The following CAND1 variants were observed in gnomAD, a reference collection of about 807,000 sequenced individuals.
The protein encoded by CAND1 is cullin associated and neddylation dissociated 1.
A neutral mutation model predicts 108.5 loss-of-function variants in CAND1; 7 were observed. The ratio of observed to expected loss-of-function variants is 0.06; its 90% confidence interval spans 0.04 to 0.12. CAND1 has a LOEUF of 0.12. Among genes scored for constraint, CAND1 ranks in the 10% least tolerant of loss-of-function variants. CAND1 has a pLI of 1.00. For synonymous variants in CAND1, 534 were observed against 512.0 expected (o/e 1.04, Z -0.58); for missense variants, 941 against 1,448.7 (o/e 0.65, Z 5.69).
intron 11 of CAND1, 53 bp downstream of exon 11, chr12:67,307,545 G>C (rs1258811249): frequency 1.8e-6 from 2 of 1,120,242 alleles, no homozygotes; most frequent in Non-Finnish European, 2.7e-6. Context: ...GAATTCTCAA[G>C]AAACTCTTGA....
chr12:67,301,111 G>T (rs1005531341), intron 7 of CAND1, among the ~76,000 whole-genome samples: 2 of 152,040 alleles, frequency 1.3e-5, no homozygotes, highest in African/African-American at 4.8e-5. Flanking sequence ...AAAATTTTAT[G>T]TGCTCTTAAC....
chr12:67,314,345 A>G lies in CAND1; in HGVS notation c.*1515A>G, dbSNP rs2044986278. ...ATAACATACTGTGGTTATTAGATTA[A>G]CAGCTTGATTTTGAATGTTCAGATG... is the stretch of plus-strand genomic sequence containing the variant. On this transcript the variant is annotated 3_prime_UTR_variant, in exon 15 of 15. Transcript: ENST00000545606. The G allele has an allele frequency of 6.6e-6, 1 of 152,332 alleles. No individual in the cohort carries two copies. Among genetic ancestry groups the G allele is most frequent in the Non-Finnish European group, 1.5e-5 (1 of 68,024 alleles). The allele number at this position is 152,332 out of a possible 1,614,324, so 9.4% of individuals were successfully genotyped here. A position where few individuals can be genotyped will look rare whatever the true frequency, so the allele number is the denominator to read the frequency against.
At chr12:67,276,476 G>A (rs532446158) in intron 1 of CAND1, among the ~76,000 whole-genome samples, 1 of 152,238 alleles carries the variant, frequency 6.6e-6, no homozygotes, top group African/African-American at 2.4e-5. Flanking sequence ...GGGTAATTTG[G>A]GAAAGAGTCT....
chr12:67,282,755 A>C (rs1354025239), intron 2 of CAND1, among the ~76,000 whole-genome samples: 1 of 152,228 alleles, frequency 6.6e-6, no homozygotes, highest in Non-Finnish European at 1.5e-5. Flanking sequence ...AGTTAACTCA[A>C]AACAACACTG....
chr12:67,305,322 C>G lies in CAND1; in HGVS notation c.1654C>G (p.Pro552Ala). 6.2e-7 allele frequency: 1 copy of G among 1,614,102 alleles called. No homozygotes were observed. The highest frequency in any genetic ancestry group is 8.5e-7 in the Non-Finnish European group (1 of 1,179,992). ...TCAACAGCTTGTCAAAGTAATTCGT[C>G]CTTTAGATCAGCCTTCCTCGTTTGA... is the stretch of plus-strand genomic sequence containing the variant. ...VTQQLVKVIR[P>A]LDQPSSFDAT... Residue 552 changes from proline (P) to alanine (A), a missense_variant, in exon 10 of 15, where the codon CCT (proline) becomes GCT (alanine). Transcript: ENST00000545606. This position sits in a 1 kb window ranked among gnomAD's most constrained non-coding sequence, Gnocchi z 4.4.
rs1476254248 is a variant in CAND1 at position 67,311,781 on chromosome 12, G to A, written c.3449G>A (p.Arg1150His). The change falls in exon 14 of 15, where the codon CGT becomes CAT. Residue 1150 changes from arginine to histidine, a missense_variant. By Grantham distance (29) the Arg-to-His change is conservative. This residue lies in a region of CAND1 where 22 missense variants were observed against 24.4 expected (regional missense o/e 0.90). Coordinates refer to ENST00000545606, the MANE Select transcript of CAND1 (RefSeq NM_018448.5). ...QRLDRLVEPL[R>H]ATCTTKVKAN... is the part of the protein sequence containing the mutation. ...TTGGACCGACTTGTTGAGCCATTAC[G>A]TGCAACATGTACAACTAAGGTAAGA... is the stretch of plus-strand genomic sequence containing the variant. 5.6e-6 allele frequency: 9 copies of A among 1,604,094 alleles called. No homozygotes were observed. Among genetic ancestry groups the A allele is most frequent in the Admixed American group, 1.7e-5 (1 of 59,974 alleles).
At position 67,317,102 on chromosome 12, in the gene CAND1, A is replaced by G. The variant is rs1486742446; in HGVS notation, c.*4272A>G. ...GTGTGGGCTGAAATACCTAGTGAAC[A>G]ATATTTAAGGGAAACTGAAGTGCAA... On this transcript the variant is annotated 3_prime_UTR_variant, in exon 15 of 15. Transcript: ENST00000545606. 6.6e-6 allele frequency: 1 copy of G among 152,210 alleles called. No homozygotes were observed. The highest frequency in any genetic ancestry group is 1.5e-5 in the Non-Finnish European group (1 of 68,048). 9.4% of individuals were successfully genotyped at this position (152,210 alleles called of 1,614,324 possible). A position where few individuals can be genotyped will look rare whatever the true frequency, so the allele number is the denominator to read the frequency against.
At position 67,299,897 on chromosome 12, in the gene CAND1, A is replaced by T. The variant is rs146300236; in HGVS notation, c.1000+802A>T. On this transcript the variant is annotated intron_variant, in intron 7 of 14. Transcript: ENST00000545606. ...AGTTTGATTCTTTGAATGAATTTAC[A>T]TAACAGCTTTCCTGTCAAGTCAGTA... Among the ~76,000 whole-genome samples the T allele has an allele frequency of 6.4e-3, 973 of 152,280 alleles. 8 individuals carry two copies. The highest frequency in any genetic ancestry group is 0.022 in the African/African-American group (930 of 41,570).
chr12:67,293,863 G>GACTAGTTTAACTAGTT (rs1214699432), intron 3 of CAND1, among the ~76,000 whole-genome samples: 3 of 152,164 alleles, frequency 2.0e-5, no homozygotes, highest in Non-Finnish European at 4.4e-5. Context: ...GGCTGCATAC[G>GACTAGTTTAACTAGTT]TAAACTAGTC....
chr12:67,307,624 G>A lies in CAND1; in HGVS notation c.3025+132G>A. On this transcript the variant is annotated intron_variant, in intron 11 of 14. Coordinates refer to ENST00000545606, the MANE Select transcript of CAND1 (RefSeq NM_018448.5). ...TAATTGTTTAAAAGAAAATTGATAT[G>A]ATCTTACAACTTTTAACAAATTGCA... 3 of 627,950 alleles carry A rather than the reference G, an allele frequency of 4.8e-6. No individual in the cohort carries two copies. In the South Asian group the frequency reaches 6.1e-5, roughly 13 times the overall value. The allele number at this position is 627,950 out of a possible 1,614,324, so 38.9% of individuals were successfully genotyped here. A position where few individuals can be genotyped will look rare whatever the true frequency, so the allele number is the denominator to read the frequency against.
chr12:67,305,183 C>G lies in CAND1; in HGVS notation c.1515C>G (p.Leu505=), dbSNP rs764841555. 6.2e-7 allele frequency: 1 copy of G among 1,614,020 alleles called. No individual in the cohort carries two copies. Among genetic ancestry groups the G allele is most frequent in the African/African-American group, 1.3e-5 (1 of 74,928 alleles). The change falls in exon 10 of 15, where the codon CTC becomes CTG. Residue 505 remains leucine, a synonymous_variant. Transcript: ENST00000545606. This position sits in a 1 kb window ranked among gnomAD's most constrained non-coding sequence, Gnocchi z 4.4. ...CTTTGTCATGTCTATACGTAATCCT[C>G]TGTAACCATTCTCCTCAAGTCTTCC... The part of the protein sequence containing the change: ...IDALSCLYVI[L]CNHSPQVFHP...
intron 1 of CAND1, among the ~76,000 whole-genome samples, chr12:67,280,253 C>T (rs2044607454): frequency 6.6e-6 from 1 of 152,110 alleles, no homozygotes; most frequent in South Asian, 2.1e-4. Context: ...ACCATAATAC[C>T]TACTTGCATG....
chr12:67,289,826 T>G (rs1400524961), intron 2 of CAND1, among the ~76,000 whole-genome samples: 2 of 151,054 alleles, frequency 1.3e-5, no homozygotes, highest in South Asian at 2.1e-4. Context: ...AACCTTTCAG[T>G]TTTTTTTATT....
At chr12:67,269,838 C>A in intron 1 of CAND1, 53 bp downstream of exon 1, 1 of 1,515,548 alleles carries the variant, frequency 6.6e-7, no homozygotes, top group Non-Finnish European at 9.0e-7. Context: ...CAGCCGCGGC[C>A]CTGGCCGTCA....
At chr12:67,309,213 A>G (rs1190580474) in intron 11 of CAND1, among the ~76,000 whole-genome samples, 2 of 152,040 alleles carry the variant, frequency 1.3e-5, no homozygotes, top group African/African-American at 2.4e-5. Context: ...ACCACCAACC[A>G]TGTGACTCCA....
chr12:67,311,984 G>A (rs1361216462), intron 14 of CAND1, among the ~76,000 whole-genome samples, 184 bp downstream of exon 14: 2 of 152,002 alleles, frequency 1.3e-5, no homozygotes, highest in Non-Finnish European at 2.9e-5. Flanking sequence ...ATTCTTAAAA[G>A]TTTTTGTTTA....
intron 7 of CAND1, among the ~76,000 whole-genome samples, chr12:67,301,368 C>T (rs574315549): frequency 1.0e-3 from 156 of 152,152 alleles, no homozygotes; most frequent in African/African-American, 3.5e-3. Flanking sequence ...GTTACTACTC[C>T]GCTCTATTAT....
chr12:67,292,252 T>A (rs958922809), intron 2 of CAND1, among the ~76,000 whole-genome samples: 14 of 152,136 alleles, frequency 9.2e-5, no homozygotes, highest in Admixed American at 2.6e-4. Context: ...GTGGGAGGAT[T>A]GCTTGAGCCC....
rs1276905979 is a variant in CAND1, at chr12:67,269,402, G to T, written c.-316G>T. 1 of 377,636 alleles carries T rather than the reference G, an allele frequency of 2.6e-6. No homozygotes were observed. Among genetic ancestry groups the T allele is most frequent in the East Asian group, 6.1e-5 (1 of 16,266 alleles). 23.4% of individuals were successfully genotyped at this position (377,636 alleles called of 1,614,324 possible). On this transcript the variant is annotated 5_prime_UTR_variant, in exon 1 of 15. Coordinates refer to ENST00000545606, the MANE Select transcript of CAND1 (RefSeq NM_018448.5). ...GTGCGGAGCGAGTGGGAGCGAGACG[G>T]CCCTGAGTGGAAGTGTCTGGCTCCC... is the stretch of plus-strand genomic sequence containing the variant.
Sources: allele counts gnomAD v4.1 joint callset (sites outside exome capture counted in the v4.1 genomes callset), GRCh38; gene constraint gnomAD v4.1.1; regional missense constraint gnomAD v4.1.1; non-coding constraint Gnocchi (gnomAD v3.1); transcripts MANE v1.5; gene names NCBI Gene and HGNC (gene_info 2026-07-23, HGNC 2026-07-21).